MAPKAPK5: variants seen among roughly 807,000 people sequenced by gnomAD.
MAPKAPK5 encodes MAPK activated protein kinase 5.
A neutral mutation model predicts 65.1 loss-of-function variants in MAPKAPK5; 30 were observed. The ratio of observed to expected loss-of-function variants is 0.46; its 90% CI spans 0.34 to 0.63. The LOEUF is 0.63. MAPKAPK5 is among the 20% of genes least tolerant of loss of function. The pLI, the probability that MAPKAPK5 is intolerant of heterozygous loss-of-function variation, is 0.01. For missense variants in MAPKAPK5, 433 were observed against 581.4 expected (o/e 0.74, Z 2.63); for synonymous variants, 179 against 204.6 (o/e 0.87, Z 1.07).
chr12:111,885,295 C>T (rs2136146146), intron 9 of MAPKAPK5: 1 of 152,486 alleles, frequency 6.6e-6, no homozygotes, highest in African/African-American at 2.4e-5. Context: ...GGAACCACAT[C>T]AGTGGGAATG....
chr12:111,855,815 G>T (rs1481991213), intron 1 of MAPKAPK5, among the ~76,000 whole-genome samples: 4 of 150,522 alleles, frequency 2.7e-5, no homozygotes, highest in African/African-American at 9.8e-5. Context: ...GACAAAGTGA[G>T]ACTCCATCTC....
intron 1 of MAPKAPK5, 115 bp downstream of exon 1, chr12:111,842,884 G>C (rs1384293975): frequency 9.5e-7 from 1 of 1,048,156 alleles, no homozygotes. Context: ...ACCGGGTTTC[G>C]GCCTCCCCCG....
rs1306446592 is a variant in MAPKAPK5 at position 111,901,000 on chromosome 12, A to G, written c.*7939A>G. The G allele has an allele frequency of 2.2e-6, 1 of 456,090 alleles. No individual in the cohort carries two copies. Among genetic ancestry groups the G allele is most frequent in the Non-Finnish European group, 4.4e-6 (1 of 226,796 alleles). The allele number at this position is 456,090 out of a possible 1,614,324, so 28.3% of individuals were successfully genotyped here. The stretch of plus-strand genomic sequence containing the variant: ...ATTTCTACCAGTCCTGGGTCACAAT[A>G]TGTTCGGTGTTCAGATGGTAATATA... On this transcript the variant is annotated 3_prime_UTR_variant, in exon 14 of 14. Coordinates refer to ENST00000550735, the MANE Select transcript of MAPKAPK5 (RefSeq NM_003668.4).
In MAPKAPK5 at chr12:111,894,436, T is replaced by G. The variant is rs1351752610; in HGVS notation, c.*1375T>G. The stretch of plus-strand genomic sequence containing the variant: ...TTCACCAGCTCCATTACTCCTTATT[T>G]CTGTTCCCTGTTCCTCTGGTCCTGT... On this transcript the variant is annotated 3_prime_UTR_variant, in exon 14 of 14. Transcript: ENST00000550735. 2 of 152,550 alleles carry G rather than the reference T, an allele frequency of 1.3e-5. No homozygotes were observed. Among genetic ancestry groups the G allele is most frequent in the African/African-American group, 4.8e-5 (2 of 41,582 alleles). 9.4% of individuals were successfully genotyped at this position (152,550 alleles called of 1,614,324 possible).
chr12:111,864,492 G>A (rs1050893232), intron 1 of MAPKAPK5, among the ~76,000 whole-genome samples: 6 of 151,892 alleles, frequency 4.0e-5, no homozygotes, highest in Admixed American at 1.3e-4. Context: ...GAGCCCGGCC[G>A]AGACCCTGTC....
At position 111,842,551 on chromosome 12, in the gene MAPKAPK5, G is replaced by C. The variant is rs2068747626; in HGVS notation, c.-183G>C. The C allele has an allele frequency of 2.6e-6, 1 of 377,446 alleles. No homozygotes were observed. The highest frequency in any genetic ancestry group is 4.8e-6 in the Non-Finnish European group (1 of 206,474). 23.4% of individuals were successfully genotyped at this position (377,446 alleles called of 1,614,324 possible). On this transcript the variant is annotated 5_prime_UTR_variant, in exon 1 of 14. The change abolishes the stop of an existing upstream ORF in the 5' untranslated region. Coordinates refer to ENST00000550735, the MANE Select transcript of MAPKAPK5 (RefSeq NM_003668.4). ...CGCCGCTGCTGCTGCCGCCAGCCTA[G>C]AGCCGCCCGCCGAAGCAGAGCCGGC...
At chr12:111,875,214 A>G (rs2069922977) in intron 7 of MAPKAPK5, among the ~76,000 whole-genome samples, 1 of 151,850 alleles carries the variant, frequency 6.6e-6, no homozygotes, top group South Asian at 2.1e-4. Context: ...AAAAGTGGGC[A>G]TGCCTCTTCT....
intron 12 of MAPKAPK5, 128 bp from the exon 13 acceptor site, chr12:111,889,912 T>G (rs2070547292): frequency 3.1e-6 from 2 of 645,042 alleles, no homozygotes; most frequent in Non-Finnish European, 5.6e-6. Context: ...AAAGCCCTTG[T>G]CTGGTGAAGT....
chr12:111,898,936 C>G lies in MAPKAPK5; in HGVS notation c.*5875C>G, dbSNP rs988252222. 1 of 150,256 alleles carries G rather than the reference C, an allele frequency of 6.7e-6. No individual in the cohort carries two copies. Among genetic ancestry groups the G allele is most frequent in the Admixed American group, 6.7e-5 (1 of 14,864 alleles). 9.3% of individuals were successfully genotyped at this position (150,256 alleles called of 1,614,324 possible). A position where few individuals can be genotyped will look rare whatever the true frequency, so the allele number is the denominator to read the frequency against. ...TGAGCTGAGGATAAAGAATAATTTG[C>G]CTGAGGAGTTACAGTACTGGCTGGA... On this transcript the variant is annotated 3_prime_UTR_variant, in exon 14 of 14. Coordinates refer to ENST00000550735, the MANE Select transcript of MAPKAPK5 (RefSeq NM_003668.4).
At chr12:111,889,460 A>G in intron 12 of MAPKAPK5, 1 of 168,714 alleles carries the variant, frequency 5.9e-6, no homozygotes, top group Non-Finnish European at 1.3e-5. Flanking sequence ...TCCTGCTGCT[A>G]CTCATGTCAT....
At chr12:111,855,845 T>G (rs999020498) in intron 1 of MAPKAPK5, among the ~76,000 whole-genome samples, 2 of 149,322 alleles carry the variant, frequency 1.3e-5, no homozygotes, top group African/African-American at 5.0e-5. Context: ...AAATGCGTTG[T>G]TTAATTTCTT....
At position 111,858,752 on chromosome 12, in the gene MAPKAPK5, G is replaced by A. The variant is rs373140614; in HGVS notation, c.37-6498G>A. 6.8e-5 allele frequency among the ~76,000 whole-genome samples: 10 copies of A among 146,032 alleles called. 2 individuals carry two copies. The East Asian group carries it at 1.5e-3, about 22-fold the overall frequency. ...GAGACGGGGTTTCACTGTGTTGGCC[G>A]GGCTGGTCTCGAGCTCCTGACCTCA... On this transcript the variant is annotated intron_variant, in intron 1 of 13. Coordinates refer to ENST00000550735, the MANE Select transcript of MAPKAPK5 (RefSeq NM_003668.4).
At chr12:111,856,408 TC>T (rs2069242287) in intron 1 of MAPKAPK5, among the ~76,000 whole-genome samples, 1 of 143,652 alleles carries the variant, frequency 7.0e-6, no homozygotes, top group African/African-American at 2.7e-5. Flanking sequence ...TTTTTTTCTT[TC>T]TTTTTTTTTT....
chr12:111,877,832 C>T (rs933279921), intron 7 of MAPKAPK5, among the ~76,000 whole-genome samples: 7 of 151,904 alleles, frequency 4.6e-5, no homozygotes, highest in African/African-American at 1.5e-4. Flanking sequence ...AGGCATACGC[C>T]ACCACATCTG....
intron 1 of MAPKAPK5, among the ~76,000 whole-genome samples, chr12:111,857,981 C>T (rs1284896447): frequency 1.3e-5 from 2 of 152,056 alleles, no homozygotes; most frequent in Non-Finnish European, 2.9e-5. Context: ...TTACTGCAAC[C>T]TCAATCTCCT....
chr12:111,891,901 G>A (rs978704195), intron 13 of MAPKAPK5, among the ~76,000 whole-genome samples: 8 of 151,960 alleles, frequency 5.3e-5, no homozygotes, highest in African/African-American at 1.9e-4. Context: ...TTCACAAAGT[G>A]AACACTCCTC....
chr12:111,865,106 C>G, intron 1 of MAPKAPK5, 144 bp from the exon 2 acceptor site: 1 of 584,868 alleles, frequency 1.7e-6, no homozygotes, highest in East Asian at 2.8e-5. Context: ...GTCATAAAGC[C>G]CTGTAGAACA....
intron 1 of MAPKAPK5, among the ~76,000 whole-genome samples, chr12:111,859,653 T>A (rs1246621181): frequency 7.0e-6 from 1 of 142,880 alleles, no homozygotes; most frequent in Non-Finnish European, 1.5e-5. Context: ...TTTGCTTTTC[T>A]TTTTTTTTTT....
At chr12:111,872,281 T>G (rs903521767) in intron 7 of MAPKAPK5, among the ~76,000 whole-genome samples, 2 of 152,194 alleles carry the variant, frequency 1.3e-5, no homozygotes, top group Admixed American at 6.5e-5. Context: ...TGCTTGTTGC[T>G]TGTCAGCATT....
Sources: gnomAD v4.1 joint callset for allele counts (sites outside exome capture counted in the v4.1 genomes callset) on GRCh38, gnomAD v4.1.1 for gene constraint, MANE v1.5 for transcripts, NCBI Gene and HGNC (gene_info 2026-07-23, HGNC 2026-07-21) for gene names.